Variants in SUPT3H observed in about 807,000 individuals in gnomAD.
SUPT3H encodes the protein SPT3 homolog, SAGA and STAGA complex component, also known as transcription initiation protein SPT3 homolog.
In SUPT3H, 44 loss-of-function variants were observed where a neutral mutation model predicts 44.3. The observed-to-expected ratio is 0.99, with a 90% confidence interval of 0.78 to 1.28. The LOEUF is 1.28. Among genes scored for constraint, SUPT3H ranks in the 50% most tolerant of loss-of-function variants. The pLI is 0.00. For missense variants in SUPT3H, 380 were observed against 387.1 expected, an observed-to-expected ratio of 0.98 and a Z score of 0.15; for synonymous variants, 124 against 125.6, an observed-to-expected ratio of 0.99 and a Z score of 0.09.
chr6:45,158,298 A>AATTTTTTTTT, intron 2 of SUPT3H, among the ~76,000 whole-genome samples: 1 of 99,688 alleles, frequency 1.0e-5, no homozygotes, highest in South Asian at 3.0e-4. Context: ...ATATATATAT[A>AATTTTTTTTT]TTTTTTTTTT....
At chr6:45,017,953 C>T (rs1464882658) in intron 4 of SUPT3H, among the ~76,000 whole-genome samples, 9 of 150,342 alleles carry the variant, frequency 6.0e-5, no homozygotes, top group East Asian at 2.0e-4. Context: ...GCCATTTTCA[C>T]GATATTGATT....
At chr6:44,870,598 C>CCAA (rs1554141325) in intron 10 of SUPT3H, among the ~76,000 whole-genome samples, 1 of 73,932 alleles carries the variant, frequency 1.4e-5, no homozygotes, top group African/African-American at 6.1e-5. Context: ...GACTCTGTCT[C>CCAA]AAAAAAAAAA....
intron 2 of SUPT3H, among the ~76,000 whole-genome samples, chr6:45,158,296 A>ATTTTTTTTTTTTTTTTTTTTTTTT (rs1489076667): frequency 1.4e-5 from 1 of 72,028 alleles, no homozygotes; most frequent in Non-Finnish European, 2.2e-5. Flanking sequence ...ATATATATAT[A>ATTTTTTTTTTTTTTTTTTTTTTTT]TATTTTTTTT....
intron 2 of SUPT3H, among the ~76,000 whole-genome samples, chr6:45,146,530 G>T (rs940824836): frequency 8.6e-5 from 13 of 151,972 alleles, no homozygotes; most frequent in African/African-American, 3.1e-4. Context: ...CACCACTAAA[G>T]AACTTATCCA....
chr6:45,193,677 T>C (rs1815521520), intron 2 of SUPT3H, among the ~76,000 whole-genome samples: 1 of 152,062 alleles, frequency 6.6e-6, no homozygotes, highest in Non-Finnish European at 1.5e-5. Flanking sequence ...GATCGTGTCA[T>C]TGCACTCCAG....
At chr6:45,277,203 T>A (rs1439180212) in intron 2 of SUPT3H, among the ~76,000 whole-genome samples, 1 of 152,204 alleles carries the variant, frequency 6.6e-6, no homozygotes, top group Non-Finnish European at 1.5e-5. Context: ...TAAGATAAAT[T>A]CTAATACTTC....
intron 2 of SUPT3H, among the ~76,000 whole-genome samples, chr6:45,283,057 G>T (rs1374949906): frequency 6.6e-6 from 1 of 152,126 alleles, no homozygotes; most frequent in Non-Finnish European, 1.5e-5. Flanking sequence ...TCACCACCAG[G>T]CCTGCCCTAA....
intron 2 of SUPT3H, among the ~76,000 whole-genome samples, chr6:45,253,514 G>C (rs532312651): frequency 4.6e-5 from 7 of 152,000 alleles, no homozygotes; most frequent in Non-Finnish European, 1.0e-4. Context: ...TTATAAGCTG[G>C]GCCCAGTGGC....
intron 10 of SUPT3H, among the ~76,000 whole-genome samples, chr6:44,847,958 CTTTTTTTTT>C (rs969869912): frequency 6.9e-5 from 4 of 58,348 alleles, no homozygotes; most frequent in African/African-American, 2.1e-4. Flanking sequence ...ATCTCTGTGT[CTTTTTTTTT>C]TTTTTTTTTT....
intron 10 of SUPT3H, among the ~76,000 whole-genome samples, chr6:44,910,690 T>A (rs1036726353): frequency 6.7e-5 from 4 of 59,622 alleles, no homozygotes; most frequent in African/African-American, 8.6e-5. Context: ...GTATTTTCTT[T>A]CAAATTAAAA....
intron 2 of SUPT3H, among the ~76,000 whole-genome samples, chr6:45,180,634 A>AT (rs1372368616): frequency 6.6e-6 from 1 of 152,064 alleles, no homozygotes; most frequent in African/African-American, 2.4e-5. Flanking sequence ...TCCCTATTTA[A>AT]TAAACGGTGC....
intron 2 of SUPT3H, chr6:45,322,959 A>G: frequency 2.5e-6 from 4 of 1,607,204 alleles, no homozygotes; most frequent in Non-Finnish European, 3.4e-6. Flanking sequence ...TGTTATTGAT[A>G]AGCAGTTTCT....
At chr6:44,954,455 C>A (rs772666325) in intron 8 of SUPT3H, 40 bp downstream of exon 8, 19 of 1,448,572 alleles carry the variant, frequency 1.3e-5, no homozygotes, top group East Asian at 2.3e-5. Flanking sequence ...TAAAGAAAAA[C>A]CAGCCAGTGT....
intron 2 of SUPT3H, among the ~76,000 whole-genome samples, chr6:45,304,142 G>T (rs1782623549): frequency 6.6e-6 from 1 of 152,066 alleles, no homozygotes; most frequent in Non-Finnish European, 1.5e-5. Context: ...TCACAAAGTG[G>T]ATGCTTTATA....
intron 10 of SUPT3H, among the ~76,000 whole-genome samples, chr6:44,844,150 G>C (rs1771476515): frequency 6.6e-6 from 1 of 152,100 alleles, no homozygotes; most frequent in East Asian, 1.9e-4. Flanking sequence ...ATAGGGAAAG[G>C]ACAGTCTTCA....
At chr6:45,242,311 T>C (rs530966913) in intron 2 of SUPT3H, among the ~76,000 whole-genome samples, 1 of 152,228 alleles carries the variant, frequency 6.6e-6, no homozygotes, top group South Asian at 2.1e-4. Flanking sequence ...ACTTGAGAGG[T>C]AGAGGCAACT....
chr6:45,261,625 T>C (rs879454369), intron 2 of SUPT3H, among the ~76,000 whole-genome samples: 10 of 152,256 alleles, frequency 6.6e-5, no homozygotes, highest in Middle Eastern at 3.4e-3. Flanking sequence ...ATCATCATAC[T>C]GGACAGGCAA....
intron 2 of SUPT3H, among the ~76,000 whole-genome samples, chr6:45,161,660 G>A (rs1038281454): frequency 3.3e-5 from 5 of 152,158 alleles, no homozygotes; most frequent in East Asian, 3.9e-4. Context: ...CCTCCATACC[G>A]TAAAGCTGCT....
At chr6:44,984,742 C>T (rs759166761) in intron 6 of SUPT3H, among the ~76,000 whole-genome samples, 1 of 152,118 alleles carries the variant, frequency 6.6e-6, no homozygotes, top group African/African-American at 2.4e-5. Flanking sequence ...ACTAGTAGCA[C>T]ACTTAATTAA....
Sources: gnomAD v4.1 joint callset for allele counts (sites outside exome capture counted in the v4.1 genomes callset) on GRCh38, gnomAD v4.1.1 for gene constraint, MANE v1.5 for transcripts, NCBI Gene and HGNC (gene_info 2026-07-23, HGNC 2026-07-21) for gene names.